Variants in CNTNAP2 observed in about 807,000 individuals in gnomAD.
The protein encoded by CNTNAP2 is contactin-associated protein-like 2.
A neutral mutation model predicts 155.2 loss-of-function variants in CNTNAP2; 98 were observed. The observed-to-expected ratio is 0.63, with a 90% CI of 0.54 to 0.75. The LOEUF is 0.75. Among genes scored for constraint, CNTNAP2 ranks in the 30% least tolerant of loss-of-function variants. CNTNAP2 has a pLI of 0.00. For synonymous variants in CNTNAP2, 651 were observed against 631.2 expected (o/e 1.03, Z -0.47); for missense variants, 1,727 against 1,688.1 (o/e 1.02, Z -0.40).
At chr7:146,274,810 A>C (rs1332571608) in intron 1 of CNTNAP2, among the ~76,000 whole-genome samples, 1 of 152,202 alleles carries the variant, frequency 6.6e-6, no homozygotes, top group African/African-American at 2.4e-5. Context: ...TCTCTATAAC[A>C]GTTAACCTAC....
chr7:146,942,636 G>T (rs1224197236), intron 3 of CNTNAP2, among the ~76,000 whole-genome samples: 1 of 152,126 alleles, frequency 6.6e-6, no homozygotes, highest in Non-Finnish European at 1.5e-5. Context: ...TTACTGAAAA[G>T]ACACAGGAGT....
At chr7:148,237,696 T>C (rs1355495640) in intron 20 of CNTNAP2, among the ~76,000 whole-genome samples, 1 of 150,224 alleles carries the variant, frequency 6.7e-6, no homozygotes, top group East Asian at 1.9e-4. Flanking sequence ...CTGAGGCACA[T>C]GCAGAGTGGT....
At chr7:147,536,365 T>C (rs533005903) in intron 11 of CNTNAP2, among the ~76,000 whole-genome samples, 5 of 152,312 alleles carry the variant, frequency 3.3e-5, no homozygotes, top group African/African-American at 1.2e-4. Context: ...TACTTTTTAG[T>C]TGGAGAGAAA....
chr7:146,168,743 C>T (rs533352817), intron 1 of CNTNAP2, among the ~76,000 whole-genome samples: 10 of 152,298 alleles, frequency 6.6e-5, no homozygotes, highest in African/African-American at 2.2e-4. Context: ...CAATGACCTA[C>T]CCAATGGTTT....
At chr7:147,653,152 T>C (rs1435487533) in intron 13 of CNTNAP2, among the ~76,000 whole-genome samples, 2 of 152,194 alleles carry the variant, frequency 1.3e-5, no homozygotes, top group Non-Finnish European at 2.9e-5. Flanking sequence ...ACATATGAAT[T>C]GTATATTGAT....
At position 148,147,679 on chromosome 7, in the gene CNTNAP2, C is replaced by T. The variant is rs756798140; in HGVS notation, c.2743C>T (p.Arg915Cys). 31 of 1,613,766 alleles carry T rather than the reference C, an allele frequency of 1.9e-5. No homozygotes were observed. Among genetic ancestry groups the T allele is most frequent in the Middle Eastern group, 1.7e-4 (1 of 6,010 alleles). ...CAAGGCCCCAACAGAAGGCCACACCCGCCTGGAGCTCTACAGCCAGTTATT... is the reference window on the plus strand; with the variant it reads ...CAAGGCCCCAACAGAAGGCCACACCTGCCTGGAGCTCTACAGCCAGTTATT... ...IRKAPTEGHT[R>C]LELYSQLFVG... Residue 915 changes from arginine (R) to cysteine (C), a missense_variant, in exon 17 of 24, where the codon CGC becomes TGC. By Grantham distance (180) the Arg-to-Cys change is radical. Transcript: ENST00000361727.
At chr7:147,040,589 T>C (rs910307544) in intron 3 of CNTNAP2, among the ~76,000 whole-genome samples, 2 of 150,684 alleles carry the variant, frequency 1.3e-5, no homozygotes, top group African/African-American at 4.9e-5. Context: ...GCCTTCCAAG[T>C]AGCTGGGATT....
intron 13 of CNTNAP2, among the ~76,000 whole-genome samples, chr7:147,684,424 A>G (rs1584898520): frequency 2.0e-5 from 3 of 151,944 alleles, no homozygotes; most frequent in Admixed American, 6.6e-5. Context: ...ATTTTCAAAT[A>G]TAAACACCTC....
chr7:146,665,713 G>A (rs566734811), intron 1 of CNTNAP2, among the ~76,000 whole-genome samples: 13 of 143,938 alleles, frequency 9.0e-5, no homozygotes, highest in African/African-American at 2.6e-4. Flanking sequence ...CCCAGGAGGC[G>A]GAGGTGGCAG....
intron 1 of CNTNAP2, among the ~76,000 whole-genome samples, chr7:146,324,836 A>G (rs757191817): frequency 3.3e-5 from 5 of 152,192 alleles, no homozygotes; most frequent in African/African-American, 4.8e-5. Context: ...ACGAAAACGA[A>G]CTTGAAAATC....
At chr7:146,744,973 G>C (rs183287578) in intron 1 of CNTNAP2, among the ~76,000 whole-genome samples, 1 of 152,266 alleles carries the variant, frequency 6.6e-6, no homozygotes, top group Admixed American at 6.5e-5. Context: ...ATCAAGTGGT[G>C]AATATTCAAC....
At chr7:147,216,484 G>A (rs1803272170) in intron 8 of CNTNAP2, among the ~76,000 whole-genome samples, 2 of 151,556 alleles carry the variant, frequency 1.3e-5, no homozygotes, top group South Asian at 2.1e-4. Flanking sequence ...GATGATTGTG[G>A]GTCTATTTCT....
At chr7:146,968,969 C>G (rs976881408) in intron 3 of CNTNAP2, among the ~76,000 whole-genome samples, 2 of 148,380 alleles carry the variant, frequency 1.3e-5, no homozygotes, top group Non-Finnish European at 3.0e-5. Flanking sequence ...TTTCCCTCTA[C>G]ACACTGCTTT....
At chr7:146,837,389 C>T (rs1328584517) in intron 2 of CNTNAP2, among the ~76,000 whole-genome samples, 2 of 152,072 alleles carry the variant, frequency 1.3e-5, no homozygotes, top group Non-Finnish European at 1.5e-5. Context: ...ATTCTTACTC[C>T]TAAAATTTCC....
chr7:148,414,859 G>T lies in CNTNAP2; in HGVS notation c.3797-558G>T, dbSNP rs911397570. ...ATCTCCCAGCCCTCCGTGAGCTCTG[G>T]TTTTTTGCCTGGCCTGTGGACTTTT... On this transcript the variant is annotated intron_variant, in intron 23 of 23. Transcript: ENST00000361727. The T allele has an allele frequency of 2.4e-5, 4 of 163,424 alleles. No homozygotes were observed. In the East Asian group the frequency reaches 6.8e-4, roughly 28 times the overall value. The allele number at this position is 163,424 out of a possible 1,614,324, so 10.1% of individuals were successfully genotyped here. A position where few individuals can be genotyped will look rare whatever the true frequency, so the allele number is the denominator to read the frequency against.
At chr7:146,504,273 A>G (rs368313782) in intron 1 of CNTNAP2, among the ~76,000 whole-genome samples, 1 of 152,204 alleles carries the variant, frequency 6.6e-6, no homozygotes, top group African/African-American at 2.4e-5. Flanking sequence ...TATTCCTGCT[A>G]TGCTGCCCAT....
At chr7:147,761,919 C>G (rs956560617) in intron 13 of CNTNAP2, among the ~76,000 whole-genome samples, 1 of 151,512 alleles carries the variant, frequency 6.6e-6, no homozygotes, top group Non-Finnish European at 1.5e-5. Context: ...TGGGCTATGG[C>G]ATATGAAAAA....
At chr7:147,301,580 C>G (rs1364063047) in intron 9 of CNTNAP2, among the ~76,000 whole-genome samples, 1 of 63,224 alleles carries the variant, frequency 1.6e-5, no homozygotes, top group Non-Finnish European at 2.8e-5. Context: ...ATAGCTCTCT[C>G]TCTCTCTCTC....
At chr7:146,573,243 A>G (rs1798470719) in intron 1 of CNTNAP2, among the ~76,000 whole-genome samples, 1 of 152,054 alleles carries the variant, frequency 6.6e-6, no homozygotes, top group Non-Finnish European at 1.5e-5. Flanking sequence ...CCCAGGTTCA[A>G]GTGATTCTCC....
Sources: gnomAD v4.1 joint callset for allele counts (sites outside exome capture counted in the v4.1 genomes callset) on GRCh38, gnomAD v4.1.1 for gene constraint, MANE v1.5 for transcripts, NCBI Gene and HGNC (gene_info 2026-07-23, HGNC 2026-07-21) for gene names.